The following ZP2 variants were observed in gnomAD, a reference collection of about 807,000 sequenced individuals.
ZP2 encodes the protein zona pellucida sperm-binding protein 2.
Under a neutral mutation model 84.0 loss-of-function variants are expected in ZP2, and 51 were observed. The observed-to-expected ratio is 0.61, with a 90% CI of 0.49 to 0.77. The LOEUF is 0.77. Ranked by LOEUF, ZP2 falls within the 30% of genes least tolerant of loss-of-function variation. The probability of loss-of-function intolerance (pLI) is 0.00; values close to 1 mark genes in which losing one functional copy is unlikely to be tolerated. For synonymous variants in ZP2, 375 were observed against 330.9 expected, an observed-to-expected ratio of 1.13 and a Z score of -1.45; for missense variants, 909 against 911.9, an observed-to-expected ratio of 1.00 and a Z score of 0.04.
intron 2 of ZP2, 110 bp from the exon 3 acceptor site, chr16:21,210,302 A>T: frequency 1.2e-6 from 1 of 828,352 alleles, no homozygotes; most frequent in Non-Finnish European, 2.1e-6. Context: ...GGGAGGCAAG[A>T]ATCGTCCCCT....
rs1215200001 is a variant in ZP2 at position 21,205,583 on chromosome 16, C to T, written c.530G>A (p.Gly177Glu). ...GCTCCATCCCATCTGAACTTTGGTC[C>T]CCTGAAGTCAAAAAGCTTTGTTTAG... ...VFSGLADDSKGTKVQMGWSIE... is the reference protein window; with the variant it reads ...VFSGLADDSKETKVQMGWSIE... The change falls in exon 7 of 19, where the codon GGG (glycine) becomes GAG (glutamate). Residue 177 changes from glycine (G) to glutamate (E), a missense_variant and splice_region_variant. Gly to Glu is a moderately conservative substitution (Grantham distance 98). Coordinates refer to ENST00000574091, the MANE Select transcript of ZP2 (RefSeq NM_001376232.1). 7 of 1,613,854 alleles carry T rather than the reference C, an allele frequency of 4.3e-6. No homozygotes were observed. The highest frequency in any genetic ancestry group is 5.1e-6 in the Non-Finnish European group (6 of 1,179,968).
rs755097963 is a variant in ZP2 at position 21,211,390 on chromosome 16, T to C, written c.68A>G (p.Tyr23Cys). 3 of 1,614,036 alleles carry C rather than the reference T, an allele frequency of 1.9e-6. No homozygotes were observed. The Admixed American group carries it at 5.0e-5, about 27-fold the overall frequency. Residue 23 changes from tyrosine to cysteine, a missense_variant, in exon 2 of 19, where the codon TAC becomes TGC. Transcript: ENST00000574091. ...SGWFNAGWST[Y>C]RSISLFFALV... ...GGCGAAGAAGAGAGAAATCGACCTGTAGGTGCTGGAAAGAGACAGGGAGAT... is the reference window on the plus strand; with the variant it reads ...GGCGAAGAAGAGAGAAATCGACCTGCAGGTGCTGGAAAGAGACAGGGAGAT...
chr16:21,213,585 T>G (rs939922899), upstream of ZP2, among the ~76,000 whole-genome samples: 3 of 152,130 alleles, frequency 2.0e-5, no homozygotes, highest in East Asian at 1.9e-4. Context: ...CTGGGAAATA[T>G]TTACTTAACG....
upstream of ZP2, among the ~76,000 whole-genome samples, chr16:21,214,056 G>A (rs763947632): frequency 9.9e-5 from 15 of 151,904 alleles, no homozygotes; most frequent in Non-Finnish European, 1.6e-4. Flanking sequence ...TTTCTCCAGA[G>A]CGGGAAGTTT....
chr16:21,203,097 G>T, intron 10 of ZP2, 28 bp downstream of exon 10: 1 of 1,606,370 alleles, frequency 6.2e-7, no homozygotes, highest in Non-Finnish European at 8.5e-7. Flanking sequence ...AAAAAAGGTA[G>T]AACATGATTT....
At chr16:21,204,831 C>T (rs1352138363) in intron 7 of ZP2, among the ~76,000 whole-genome samples, 2 of 152,168 alleles carry the variant, frequency 1.3e-5, no homozygotes, top group Non-Finnish European at 2.9e-5. Flanking sequence ...AGTGTTCAGA[C>T]TATTGGCCTG....
chr16:21,206,016 C>T, intron 5 of ZP2: 2 of 540,540 alleles, frequency 3.7e-6, no homozygotes, highest in South Asian at 4.2e-5. Flanking sequence ...TTTCTCCCCC[C>T]AAGATAGAGT....
rs549412941 is a variant in ZP2, at chr16:21,203,117, G to A, written c.1099+8C>T. 6.2e-7 allele frequency: 1 copy of A among 1,612,636 alleles called. No individual in the cohort carries two copies. The highest frequency in any genetic ancestry group is 1.1e-5 in the South Asian group (1 of 90,848). ...AGGTAGAACATGATTTTAATAAAAG[G>A]TCTTTACCTATAGAAACGGGTGACT... On this transcript the variant is annotated splice_region_variant and intron_variant, in intron 10 of 18. Coordinates refer to ENST00000574091, the MANE Select transcript of ZP2 (RefSeq NM_001376232.1).
rs772042061 is a variant in ZP2 at position 21,199,598 on chromosome 16, G to A, written c.1899C>T (p.Thr633=). The stretch of plus-strand genomic sequence containing the variant: ...GCCTGTGCCTAGAGGACACAGGGCA[G>A]GTCACAGAACACAGTGGGGAGTCAG... ...LSPDSPLCSV[T]CPVSSRHRRA... The change falls in exon 16 of 19, where the codon ACC becomes ACT. Residue 633 remains threonine (T), a synonymous_variant. Coordinates refer to ENST00000574091, the MANE Select transcript of ZP2 (RefSeq NM_001376232.1). 1.2e-6 allele frequency: 2 copies of A among 1,613,196 alleles called. No homozygotes were observed. The highest frequency in any genetic ancestry group is 1.7e-6 in the Non-Finnish European group (2 of 1,179,652).
chr16:21,199,226 G>T (rs1171723217), intron 16 of ZP2, among the ~76,000 whole-genome samples: 2 of 145,922 alleles, frequency 1.4e-5, no homozygotes, highest in Non-Finnish European at 3.0e-5. Context: ...GGAGGCTCAG[G>T]CAGGAGAATC....
Position 21,199,647 on chromosome 16 carries a change from G to A in ZP2, c.1850C>T (p.Ala617Val). Reference protein sequence around the residue: ...LSSLVYFHCSALICNRLSPDS... With the variant: ...LSSLVYFHCSVLICNRLSPDS... ...AGGGGAGAGTCGATTACAGATTAAG[G>A]CACTGCAGTGGAAGTAGACCTGGAG... The change falls in exon 16 of 19, where the codon GCC becomes GTC. Residue 617 changes from alanine (A) to valine (V), a missense_variant. By Grantham distance (64) the Ala-to-Val change is moderately conservative. Transcript: ENST00000574091. The A allele has an allele frequency of 6.2e-7, 1 of 1,613,468 alleles. No homozygotes were observed. The highest frequency in any genetic ancestry group is 8.5e-7 in the Non-Finnish European group (1 of 1,179,624).
At chr16:21,212,373 A>G (rs963860427), upstream of ZP2, among the ~76,000 whole-genome samples, 1 of 152,256 alleles carries the variant, frequency 6.6e-6, no homozygotes, top group South Asian at 2.1e-4. Context: ...CAATTTCAGA[A>G]GGATACAGAG....
chr16:21,210,564 C>T (rs2152856732), intron 2 of ZP2, among the ~76,000 whole-genome samples: 1 of 152,068 alleles, frequency 6.6e-6, no homozygotes, highest in South Asian at 2.1e-4. Context: ...GGGTAAGTCC[C>T]AGGACTTTTA....
intron 4 of ZP2, 54 bp downstream of exon 4, chr16:21,209,577 T>G (rs1464690117): frequency 1.5e-5 from 24 of 1,549,156 alleles, no homozygotes. Flanking sequence ...TTACTGCCAG[T>G]AACTCTTAGG....
intron 4 of ZP2, among the ~76,000 whole-genome samples, chr16:21,208,378 C>T (rs566957302): frequency 5.9e-5 from 9 of 152,264 alleles, no homozygotes; most frequent in African/African-American, 1.7e-4. Context: ...ATTGATTGAT[C>T]ACAGAGGGCT....
chr16:21,208,853 C>T (rs1567216527), intron 4 of ZP2, among the ~76,000 whole-genome samples: 1 of 152,124 alleles, frequency 6.6e-6, no homozygotes, highest in African/African-American at 2.4e-5. Flanking sequence ...CTTCATTACC[C>T]CCATGGAGCA....
intron 4 of ZP2, among the ~76,000 whole-genome samples, chr16:21,207,300 G>A (rs1338212286): frequency 6.6e-6 from 1 of 152,104 alleles, no homozygotes; most frequent in Non-Finnish European, 1.5e-5. Flanking sequence ...CAGGTTATCT[G>A]AATACTTGTT....
At chr16:21,209,546 A>G (rs1280798463) in intron 4 of ZP2, 85 bp downstream of exon 4, 1 of 1,275,132 alleles carries the variant, frequency 7.8e-7, no homozygotes, top group African/African-American at 1.5e-5. Flanking sequence ...TTTACTCCAA[A>G]GAGAAAGTTC....
At chr16:21,203,304 G>C in intron 9 of ZP2, 53 bp from the exon 10 acceptor site, 25 of 1,603,618 alleles carry the variant, frequency 1.6e-5, no homozygotes, top group Non-Finnish European at 2.0e-5. Context: ...GCCCGGAACC[G>C]TCACAGGGAG....
Sources: gnomAD v4.1 joint callset for allele counts (sites outside exome capture counted in the v4.1 genomes callset) on GRCh38, gnomAD v4.1.1 for gene constraint, MANE v1.5 for transcripts, NCBI Gene and HGNC (gene_info 2026-07-23, HGNC 2026-07-21) for gene names.